The following ACER3 variants were observed in gnomAD, a reference collection of about 807,000 sequenced individuals.
ACER3 encodes alkaline ceramidase 3, also known as alkCDase 3.
A neutral mutation model predicts 48.9 loss-of-function variants in ACER3; 16 were observed. That is an observed-to-expected ratio of 0.33 (90% CI 0.22 to 0.50). The LOEUF (loss-of-function observed/expected upper bound fraction) is 0.50, where lower values mean the gene tolerates loss of function less well. Ranked by LOEUF, ACER3 falls within the 20% of genes least tolerant of loss-of-function variation. ACER3 has a pLI of 0.98. For synonymous variants in ACER3, 109 were observed against 107.8 expected (o/e 1.01, Z -0.07); for missense variants, 227 against 326.0 (o/e 0.70, Z 2.34).
rs547432821 is a variant in ACER3, at chr11:76,897,138, G to A, written c.104-29419G>A. ...ACACCTGGCTAATTTTTGTATTTTTGTAGAGATGGGGTTTCACCACGTTGG... is the reference window on the plus strand; with the variant it reads ...ACACCTGGCTAATTTTTGTATTTTTATAGAGATGGGGTTTCACCACGTTGG... On this transcript the variant is annotated intron_variant, in intron 1 of 10. Transcript: ENST00000532485. Among the ~76,000 whole-genome samples, 71 of 151,850 alleles carry A rather than the reference G, an allele frequency of 4.7e-4. 2 individuals carry two copies. The highest frequency in any genetic ancestry group is 3.2e-4 in the Non-Finnish European group (22 of 67,946).
intron 2 of ACER3, among the ~76,000 whole-genome samples, chr11:76,931,036 CGTTGATCTGTCTAAT>C (rs1946987236): frequency 7.0e-6 from 1 of 143,266 alleles, no homozygotes; most frequent in Admixed American, 7.0e-5. Context: ...CTTTCTGTCT[CGTTGATCTGTCTAAT>C]GTTGACAGTG....
chr11:76,965,174 A>G (rs1948105392), intron 3 of ACER3, among the ~76,000 whole-genome samples: 1 of 151,454 alleles, frequency 6.6e-6, no homozygotes, highest in Non-Finnish European at 1.5e-5. Flanking sequence ...CACAAGCCTC[A>G]GTAGCTGATG....
intron 4 of ACER3, among the ~76,000 whole-genome samples, chr11:76,983,892 G>A (rs1192178633): frequency 1.3e-5 from 2 of 151,668 alleles, no homozygotes; most frequent in Non-Finnish European, 2.9e-5. Context: ...CCGGATTCAC[G>A]CGATTCTCCT....
intron 6 of ACER3, chr11:76,994,138 T>C (rs1376829745): frequency 9.3e-6 from 1 of 107,032 alleles, no homozygotes; most frequent in Admixed American, 7.0e-5. Flanking sequence ...TAAACTTTCT[T>C]TTTTTTTTTT....
At position 76,895,811 on chromosome 11, in the gene ACER3, G is replaced by A. The variant is rs562901336; in HGVS notation, c.104-30746G>A. Among the ~76,000 whole-genome samples, 8 of 152,264 alleles carry A rather than the reference G, an allele frequency of 5.3e-5. No homozygotes were observed. The East Asian group carries it at 1.5e-3, about 29-fold the overall frequency. ...TACATTGTTTATTATAGCATTGGCT[G>A]ACAGTAAAAATTGGAAATAAGCTAA... On this transcript the variant is annotated intron_variant, in intron 1 of 10. Transcript: ENST00000532485.
At chr11:76,994,903 T>G (rs912368724) in intron 6 of ACER3, among the ~76,000 whole-genome samples, 2 of 152,172 alleles carry the variant, frequency 1.3e-5, no homozygotes, top group African/African-American at 2.4e-5. Flanking sequence ...TAAAGGGTTT[T>G]AAGCTGCAGT....
rs1211559357 is a variant in ACER3 at position 76,887,903 on chromosome 11, C to T, written c.103+26824C>T. On this transcript the variant is annotated intron_variant, in intron 1 of 10. Coordinates refer to ENST00000532485, the MANE Select transcript of ACER3 (RefSeq NM_018367.7). ...GCACGATCACAGTTCACTGCAGCCT[C>T]GACCTCCCAGACTCAAGCCATCTTC... Among the ~76,000 whole-genome samples the T allele has an allele frequency of 5.4e-5, 8 of 148,592 alleles. No homozygotes were observed. The Admixed American group carries it at 5.5e-4, about 10-fold the overall frequency.
intron 9 of ACER3, among the ~76,000 whole-genome samples, chr11:77,017,393 C>T (rs1949392177): frequency 6.6e-6 from 1 of 151,984 alleles, no homozygotes; most frequent in African/African-American, 2.4e-5. Flanking sequence ...ATCCTAGAAA[C>T]AGAACCTACC....
chr11:76,936,525 G>C (rs1169132923), intron 2 of ACER3, among the ~76,000 whole-genome samples: 1 of 151,934 alleles, frequency 6.6e-6, no homozygotes, highest in African/African-American at 2.4e-5. Flanking sequence ...TATAAGAAAG[G>C]AAAAGGTTGA....
intron 2 of ACER3, among the ~76,000 whole-genome samples, chr11:76,936,325 T>A (rs926078259): frequency 6.6e-6 from 1 of 152,164 alleles, no homozygotes; most frequent in Non-Finnish European, 1.5e-5. Context: ...GGGGCAAAGA[T>A]GATGTGTTTT....
chr11:77,005,972 C>CAT lies in ACER3; in HGVS notation c.497+7170_497+7171dup, dbSNP rs61113921. 3.6e-3 allele frequency among the ~76,000 whole-genome samples: 385 copies of CAT among 107,050 alleles called. 4 individuals carry two copies. The highest frequency in any genetic ancestry group is 0.012 in the African/African-American group (331 of 28,504). 70.2% of individuals were successfully genotyped at this position (107,050 alleles called of 152,430 possible). ...TATATATGTATATTATATATATATA[C>CAT]ATATATATATATATATATATTTTTT... On this transcript the variant is annotated intron_variant, in intron 7 of 10. Transcript: ENST00000532485.
At chr11:76,993,154 G>A (rs1298979238) in intron 6 of ACER3, among the ~76,000 whole-genome samples, 1 of 152,128 alleles carries the variant, frequency 6.6e-6, no homozygotes, top group Non-Finnish European at 1.5e-5. Flanking sequence ...AGGGTTACAG[G>A]TGTGAGCCAC....
chr11:77,006,694 T>C (rs575116853), intron 7 of ACER3, among the ~76,000 whole-genome samples: 32 of 152,170 alleles, frequency 2.1e-4, no homozygotes, highest in African/African-American at 7.7e-4. Context: ...TAATGAAAAA[T>C]CCTTTATCAT....
Position 76,962,473 on chromosome 11 carries a change from C to A in ACER3, c.267+3442C>A, listed in dbSNP as rs1349799016. 2.0e-5 allele frequency among the ~76,000 whole-genome samples: 3 copies of A among 151,240 alleles called. 1 individual carries two copies. The highest frequency in any genetic ancestry group is 7.4e-5 in the African/African-American group (3 of 40,528). ...GACCTCAGATGATCCACCCACCTGG[C>A]CTCCCAAAGTGCTGGGAATACAGGC... On this transcript the variant is annotated intron_variant, in intron 3 of 10. Transcript: ENST00000532485.
intron 2 of ACER3, among the ~76,000 whole-genome samples, chr11:76,945,838 G>T (rs1590970799): frequency 1.3e-5 from 2 of 152,316 alleles, no homozygotes; most frequent in Admixed American, 1.3e-4. Flanking sequence ...TGCTGGTGTT[G>T]CTAGTAGCTG....
At chr11:77,016,291 C>T (rs189734455) in intron 8 of ACER3, among the ~76,000 whole-genome samples, 6 of 151,874 alleles carry the variant, frequency 4.0e-5, no homozygotes, top group South Asian at 4.2e-4. Flanking sequence ...AATCAGTAAC[C>T]GAATCTTTTA....
chr11:76,940,330 A>G (rs964468644), intron 2 of ACER3, among the ~76,000 whole-genome samples: 5 of 152,170 alleles, frequency 3.3e-5, no homozygotes, highest in African/African-American at 1.2e-4. Context: ...CAAAATGTTA[A>G]TAATGCGTAA....
chr11:76,959,340 AAT>A (rs1393937498), intron 3 of ACER3: 3 of 746,564 alleles, frequency 4.0e-6, no homozygotes, highest in Non-Finnish European at 5.6e-6. Context: ...TCACCAGAAC[AAT>A]ATATTCTTAT....
At chr11:76,958,701 G>A (rs1413929007) in intron 2 of ACER3, 5 of 435,426 alleles carry the variant, frequency 1.1e-5, no homozygotes, top group Admixed American at 3.6e-5. Context: ...AACTTATCCT[G>A]AGCATCAGAT....
Sources: allele counts gnomAD v4.1 joint callset (sites outside exome capture counted in the v4.1 genomes callset), GRCh38; gene constraint gnomAD v4.1.1; transcripts MANE v1.5; gene names NCBI Gene and HGNC (gene_info 2026-07-23, HGNC 2026-07-21).